Variants in FDX2 observed in about 807,000 individuals in gnomAD.
FDX2 encodes the protein ferredoxin 2.
FDX2 carries 13 observed loss-of-function variants against 18.5 expected under a neutral mutation model. The ratio of observed to expected loss-of-function variants is 0.70; its 90% CI spans 0.46 to 1.12. The LOEUF (loss-of-function observed/expected upper bound fraction) is 1.12. Among genes scored for constraint, FDX2 ranks in the 50% most tolerant of loss-of-function variants. The pLI, the probability that FDX2 is intolerant of heterozygous loss-of-function variation, is 0.00. For missense variants in FDX2, 238 were observed against 250.4 expected (o/e 0.95, Z 0.34); for synonymous variants, 132 against 106.2 (o/e 1.24, Z -1.49).
chr19:10,315,812 C>G, intron 1 of FDX2, 40 bp downstream of exon 1: 1 of 1,600,328 alleles, frequency 6.2e-7, no homozygotes. Flanking sequence ...CCGCCGGCAT[C>G]TGACGGATTA....
intron 3 of FDX2, among the ~76,000 whole-genome samples, chr19:10,312,409 C>T (rs1481126515): frequency 6.6e-6 from 1 of 152,164 alleles, no homozygotes; most frequent in Non-Finnish European, 1.5e-5. Context: ...GAGACCGGTG[C>T]TTGGGGATCA....
chr19:10,311,703 A>ATT (rs35145849), intron 3 of FDX2, among the ~76,000 whole-genome samples: 25,535 of 116,790 alleles, frequency 0.22, 2,962 homozygotes, highest in Admixed American at 0.31. Flanking sequence ...CCCGGCCAGG[A>ATT]TTTTTTTTTT....
At chr19:10,311,407 T>A (rs1246025228) in intron 3 of FDX2, among the ~76,000 whole-genome samples, 1 of 151,554 alleles carries the variant, frequency 6.6e-6, no homozygotes, top group East Asian at 1.9e-4. Context: ...TTTTGTTTTT[T>A]TTTTTTTTGA....
chr19:10,315,463 C>T lies in FDX2; in HGVS notation c.239G>A (p.Gly80Asp), dbSNP rs1599294486. 6.2e-7 allele frequency: 1 copy of T among 1,613,788 alleles called. No individual in the cohort carries two copies. Among genetic ancestry groups the T allele is most frequent in the Non-Finnish European group, 8.5e-7 (1 of 1,179,972 alleles). The change falls in exon 3 of 5, where the codon GGC becomes GAC. Residue 80 changes from glycine (G) to aspartate (D), a missense_variant. By Grantham distance (94) the Gly-to-Asp change is moderately conservative. Coordinates refer to ENST00000393708, the MANE Select transcript of FDX2 (RefSeq NM_001031734.4). The stretch of plus-strand genomic sequence containing the variant: ...TCTGCCACTCACTGGGATCCGCTGG[C>T]CTGAGCGGTCTACGAACACCACGTT...
Position 10,315,962 on chromosome 19 carries a change from G to A in FDX2, c.44C>T (p.Ala15Val), listed in dbSNP as rs764403123. The A allele has an allele frequency of 1.2e-5, 20 of 1,610,610 alleles. No individual in the cohort carries two copies. Among genetic ancestry groups the A allele is most frequent in the South Asian group, 2.2e-5 (2 of 90,844 alleles). ...CCTGGCAGCCTGCAGTAGAACCCTG[G>A]CACTCACGCCTCCCCGGGCCATGGA... Residue 15 changes from alanine (A) to valine (V), a missense_variant, in exon 1 of 5, where the codon GCC becomes GTC. Ala to Val is a moderately conservative substitution (Grantham distance 64). Coordinates refer to ENST00000393708, the MANE Select transcript of FDX2 (RefSeq NM_001031734.4).
At chr19:10,312,334 G>A (rs571636126) in intron 3 of FDX2, among the ~76,000 whole-genome samples, 1 of 151,938 alleles carries the variant, frequency 6.6e-6, no homozygotes, top group African/African-American at 2.4e-5. Flanking sequence ...GGTTGAAAGA[G>A]ACAGAACCTG....
chr19:10,311,002 G>A (rs2040318455), intron 3 of FDX2, 62 bp from the exon 4 acceptor site: 5 of 1,256,438 alleles, frequency 4.0e-6, no homozygotes, highest in African/African-American at 3.0e-5. Flanking sequence ...GCTGCTATGC[G>A]AATGGCGTAG....
rs395782 is a variant in FDX2, at chr19:10,315,952, T to C, written c.54A>G (p.Leu18=). 772,840 of 1,599,400 alleles carry C rather than the reference T, an allele frequency of 0.48. 187,573 individuals are homozygous for C. The highest frequency in any genetic ancestry group is 0.61 in the African/African-American group (45,417 of 74,310). ...ACCAGGTGCCCCTGGCAGCCTGCAG[T>C]AGAACCCTGGCACTCACGCCTCCCC... The change falls in exon 1 of 5, where the codon CTA becomes CTG. Residue 18 remains leucine, a synonymous_variant. Transcript: ENST00000393708.
rs748665019 is a variant in FDX2 at position 10,315,686 on chromosome 19, C to G, written c.209+19G>C. 5 of 1,546,154 alleles carry G rather than the reference C, an allele frequency of 3.2e-6. No individual in the cohort carries two copies. The African/African-American group carries it at 6.9e-5, about 21-fold the overall frequency. The stretch of plus-strand genomic sequence containing the variant: ...ATTCCGTGGGATGAGGAATGGGGGA[C>G]TTGGCCCCCTGCACTCACACGTCCC... On this transcript the variant is annotated intron_variant, in intron 2 of 4. Coordinates refer to ENST00000393708, the MANE Select transcript of FDX2 (RefSeq NM_001031734.4).
intron 3 of FDX2, among the ~76,000 whole-genome samples, chr19:10,312,229 G>A (rs2040332438): frequency 7.1e-6 from 1 of 141,476 alleles, no homozygotes; most frequent in South Asian, 2.2e-4. Context: ...GGCCCAGGCT[G>A]GTCTCAAACT....
Position 10,315,840 on chromosome 19 carries a change from C to T in FDX2, c.154+12G>A. ...ACGGATTAACGCTGCCCGCCCCGGG[C>T]GCCCCAGGTACCTGTCGCTTGAAAC... On this transcript the variant is annotated intron_variant, in intron 1 of 4. Coordinates refer to ENST00000393708, the MANE Select transcript of FDX2 (RefSeq NM_001031734.4). The T allele has an allele frequency of 6.3e-7, 1 of 1,596,334 alleles. No homozygotes were observed. Among genetic ancestry groups the T allele is most frequent in the Non-Finnish European group, 8.5e-7 (1 of 1,173,702 alleles).
chr19:10,315,579 G>A (rs1294986678), intron 2 of FDX2, 87 bp from the exon 3 acceptor site: 5 of 1,534,178 alleles, frequency 3.3e-6, no homozygotes, highest in Non-Finnish European at 4.4e-6. Context: ...AGGAATTGAG[G>A]CTTGACGCAC....
At chr19:10,311,219 C>T (rs2040320454) in intron 3 of FDX2, among the ~76,000 whole-genome samples, 1 of 152,082 alleles carries the variant, frequency 6.6e-6, no homozygotes, top group African/African-American at 2.4e-5. Flanking sequence ...GGAGCAGGGA[C>T]TTGGCTGCCA....
Position 10,315,755 on chromosome 19 carries a change from C to A in FDX2, c.159G>T (p.Ser53=), listed in dbSNP as rs778305196. 1 of 1,589,594 alleles carries A rather than the reference C, an allele frequency of 6.3e-7. No individual in the cohort carries two copies. Among genetic ancestry groups the A allele is most frequent in the East Asian group, 2.3e-5 (1 of 43,158 alleles). ...CCGCGTCCTCCTCTCCAGCCGGGCG[C>A]GAGCCTGGAAAACACGGTTCGGTGA... Residue 53 remains serine, a synonymous_variant, in exon 2 of 5, where the codon TCG becomes TCT. Transcript: ENST00000393708.
Position 10,315,470 on chromosome 19 carries a change from G to A in FDX2, c.232C>T (p.Arg78Cys), listed in dbSNP as rs772508111. 5.0e-6 allele frequency: 8 copies of A among 1,613,752 alleles called. No homozygotes were observed. The highest frequency in any genetic ancestry group is 3.3e-5 in the South Asian group (3 of 91,066). The change falls in exon 3 of 5, where the codon CGC (arginine) becomes TGC (cysteine). Residue 78 changes from arginine (R) to cysteine (C), a missense_variant. Physicochemically the swap from Arg to Cys is radical, Grantham distance 180. Transcript: ENST00000393708. Reference sequence around the variant, plus strand: ...CTCACTGGGATCCGCTGGCCTGAGCGGTCTACGAACACCACGTTCACCCTG... The same window carrying A: ...CTCACTGGGATCCGCTGGCCTGAGCAGTCTACGAACACCACGTTCACCCTG...
chr19:10,315,821 T>C, intron 1 of FDX2, 31 bp downstream of exon 1: 1 of 1,598,948 alleles, frequency 6.3e-7, no homozygotes, highest in Non-Finnish European at 8.5e-7. Context: ...TCTGACGGAT[T>C]AACGCTGCCC....
rs2040378479 is a variant in FDX2 at position 10,315,850 on chromosome 19, A to G, written c.154+2T>C. 1 of 1,598,684 alleles carries G rather than the reference A, an allele frequency of 6.3e-7. No individual in the cohort carries two copies. Among genetic ancestry groups the G allele is most frequent in the African/African-American group, 1.4e-5 (1 of 74,036 alleles). On this transcript the variant is annotated splice_donor_variant, in intron 1 of 4. Coordinates refer to ENST00000393708, the MANE Select transcript of FDX2 (RefSeq NM_001031734.4). LOFTEE classifies it high-confidence loss of function. ...GCTGCCCGCCCCGGGCGCCCCAGGTACCTGTCGCTTGAAACTTTCTGGTTG... is the reference window on the plus strand; with the variant it reads ...GCTGCCCGCCCCGGGCGCCCCAGGTGCCTGTCGCTTGAAACTTTCTGGTTG...
Position 10,315,801 on chromosome 19 carries a change from C to T in FDX2, c.155-42G>A, listed in dbSNP as rs764815443. On this transcript the variant is annotated intron_variant, in intron 1 of 4. Transcript: ENST00000393708. ...GGTGAGCGGCTGCGCCGAGCCCCGC[C>T]CCGCCGGCATCTGACGGATTAACGC... is the stretch of plus-strand genomic sequence containing the variant. 2.5e-6 allele frequency: 4 copies of T among 1,600,654 alleles called. No homozygotes were observed. In the African/African-American group the frequency reaches 4.0e-5, roughly 16 times the overall value.
Position 10,313,739 on chromosome 19 carries a change from C to T in FDX2, c.316+1647G>A, listed in dbSNP as rs538666087. ...TCACTCTGTCGCCCAGGCTGGAGTG[C>T]AGTGGCGTGATCTTGGCTCACTGCA... On this transcript the variant is annotated intron_variant, in intron 3 of 4. Coordinates refer to ENST00000393708, the MANE Select transcript of FDX2 (RefSeq NM_001031734.4). Among the ~76,000 whole-genome samples, 8 of 116,132 alleles carry T rather than the reference C, an allele frequency of 6.9e-5. No individual in the cohort carries two copies. The East Asian group carries it at 2.3e-3, about 33-fold the overall frequency. The allele number at this position is 116,132 out of a possible 152,430, so 76.2% of individuals were successfully genotyped here.
Sources: allele counts gnomAD v4.1 joint callset (sites outside exome capture counted in the v4.1 genomes callset), GRCh38; gene constraint gnomAD v4.1.1; transcripts MANE v1.5; gene names NCBI Gene and HGNC (gene_info 2026-07-23, HGNC 2026-07-21).